The following ACAP1 variants were observed in gnomAD, a reference collection of about 807,000 sequenced individuals.
The protein encoded by ACAP1 is ArfGAP with coiled-coil, ankyrin repeat and PH domains 1.
A neutral mutation model predicts 98.8 loss-of-function variants in ACAP1; 45 were observed. The ratio of observed to expected loss-of-function variants is 0.46; its 90% CI spans 0.36 to 0.58. ACAP1 has a LOEUF of 0.58. ACAP1 is among the 20% of genes least tolerant of loss of function. The pLI is 0.00. For missense variants in ACAP1, 735 were observed against 971.4 expected (o/e 0.76, Z 3.24); for synonymous variants, 362 against 375.3 (o/e 0.96, Z 0.41).
Position 7,350,313 on chromosome 17 carries a change from C to A in ACAP1, c.2072+76C>A. 2 of 861,440 alleles carry A rather than the reference C, an allele frequency of 2.3e-6. No homozygotes were observed. Among genetic ancestry groups the A allele is most frequent in the Non-Finnish European group, 3.5e-6 (2 of 568,720 alleles). The allele number at this position is 861,440 out of a possible 1,614,324, so 53.4% of individuals were successfully genotyped here. A position where few individuals can be genotyped will look rare whatever the true frequency, so the allele number is the denominator to read the frequency against. Reference sequence around the variant, plus strand: ...GCCCACCCACGTTCGGGCGGGCGGGCGGGGCTGACGCCGAAACAGAAGCCT... The same window carrying A: ...GCCCACCCACGTTCGGGCGGGCGGGAGGGGCTGACGCCGAAACAGAAGCCT... On this transcript the variant is annotated intron_variant, in intron 20 of 21. Transcript: ENST00000158762. This position sits in a 1 kb window ranked among gnomAD's most constrained non-coding sequence, Gnocchi z 4.6.
chr17:7,346,699 A>C, intron 12 of ACAP1, 109 bp from the exon 13 acceptor site: 1 of 1,356,618 alleles, frequency 7.4e-7, no homozygotes, highest in South Asian at 1.4e-5. Context: ...GAAGTCTTTC[A>C]ATGCAACTGG....
chr17:7,347,038 G>T lies in ACAP1; in HGVS notation c.1139G>T (p.Gly380Val). The change falls in exon 14 of 22, where the codon GGA (glycine) becomes GTA (valine). Residue 380 changes from glycine to valine, a missense_variant. Gly to Val is a moderately radical substitution (Grantham distance 109, BLOSUM62 -3). Around this residue, in one of 5 missense-constraint regions of ACAP1, gnomAD observed 430 missense variants for 531.8 expected, o/e 0.81. Coordinates refer to ENST00000158762, the MANE Select transcript of ACAP1 (RefSeq NM_014716.4). ...DSPRGPGQGS[G>V]HLAIGSAATL... ...TTCCCCTCTCTCCCCCAGGGCTCAG[G>T]ACACCTGGCCATAGGCTCTGCTGCC... 6.3e-7 allele frequency: 1 copy of T among 1,589,404 alleles called. No individual in the cohort carries two copies. The highest frequency in any genetic ancestry group is 1.3e-5 in the African/African-American group (1 of 74,654).
At position 7,336,624 on chromosome 17, in the gene ACAP1, C is replaced by T. The variant is rs2073221675; in HGVS notation, c.-111C>T. On this transcript the variant is annotated 5_prime_UTR_variant, in exon 1 of 22. Transcript: ENST00000158762. ...CCCCCAGGCCCTTCCCCGCGGAGGT[C>T]CCTCTCCTCCTTCCCCCTCATCTCC... is the stretch of plus-strand genomic sequence containing the variant. 2.6e-6 allele frequency: 3 copies of T among 1,163,712 alleles called. No homozygotes were observed. Among genetic ancestry groups the T allele is most frequent in the East Asian group, 4.7e-5 (2 of 42,654 alleles). The allele number at this position is 1,163,712 out of a possible 1,614,324, so 72.1% of individuals were successfully genotyped here. A position where few individuals can be genotyped will look rare whatever the true frequency, so the allele number is the denominator to read the frequency against.
At chr17:7,337,237 C>G in intron 1 of ACAP1, 75 bp from the exon 2 acceptor site, 9 of 1,423,192 alleles carry the variant, frequency 6.3e-6, no homozygotes, top group Non-Finnish European at 8.9e-6. Flanking sequence ...CACCGCCCTG[C>G]GACTCCATCC....
In ACAP1 at chr17:7,347,040, C is replaced by T. The variant is rs2073353381; in HGVS notation, c.1141C>T (p.His381Tyr). 6.3e-7 allele frequency: 1 copy of T among 1,591,094 alleles called. No homozygotes were observed. Among genetic ancestry groups the T allele is most frequent in the Non-Finnish European group, 8.6e-7 (1 of 1,165,724 alleles). ...CCCCTCTCTCCCCCAGGGCTCAGGA[C>T]ACCTGGCCATAGGCTCTGCTGCCAC... is the stretch of plus-strand genomic sequence containing the variant. Reference protein sequence around the residue: ...SPRGPGQGSGHLAIGSAATLG... With the variant: ...SPRGPGQGSGYLAIGSAATLG... Residue 381 changes from histidine (H) to tyrosine (Y), a missense_variant, in exon 14 of 22, where the codon CAC (histidine) becomes TAC (tyrosine). His to Tyr is a moderately conservative substitution (Grantham distance 83). Coordinates refer to ENST00000158762, the MANE Select transcript of ACAP1 (RefSeq NM_014716.4).
Position 7,349,966 on chromosome 17 carries a change from T to C in ACAP1, c.1873T>C (p.Phe625Leu). 1 of 1,611,848 alleles carries C rather than the reference T, an allele frequency of 6.2e-7. No individual in the cohort carries two copies. The highest frequency in any genetic ancestry group is 8.5e-7 in the Non-Finnish European group (1 of 1,178,608). ...GCAGAATTCTCTTCTGGCCTGTGAGTTTCTCCTCCAGAACGGGGCGAACGT... is the reference window on the plus strand; with the variant it reads ...GCAGAATTCTCTTCTGGCCTGTGAGCTTCTCCTCCAGAACGGGGCGAACGT... ...TAANSLLACE[F>L]LLQNGANVNQ... The change falls in exon 19 of 22, where the codon TTT becomes CTT. Residue 625 changes from phenylalanine to leucine, a missense_variant. Coordinates refer to ENST00000158762, the MANE Select transcript of ACAP1 (RefSeq NM_014716.4).
In ACAP1 at chr17:7,350,611, C is replaced by G. The variant is rs2073396957; in HGVS notation, c.2073-339C>G. The G allele has an allele frequency of 1.5e-5, 4 of 264,276 alleles. No homozygotes were observed. The South Asian group carries it at 1.7e-4, about 12-fold the overall frequency. The allele number at this position is 264,276 out of a possible 1,614,324, so 16.4% of individuals were successfully genotyped here. The stretch of plus-strand genomic sequence containing the variant: ...AAGTTGTGGGGGAGGTGAGGATAGT[C>G]TTTTTTTTTTTTTTTGAGACGGAGT... On this transcript the variant is annotated intron_variant, in intron 20 of 21. Coordinates refer to ENST00000158762, the MANE Select transcript of ACAP1 (RefSeq NM_014716.4). The surrounding 1 kb of genome is among the most constrained non-coding windows in gnomAD (Gnocchi z 4.6).
chr17:7,350,482 C>A lies in ACAP1; in HGVS notation c.2072+245C>A. The A allele has an allele frequency of 1.8e-6, 1 of 562,754 alleles. No individual in the cohort carries two copies. Among genetic ancestry groups the A allele is most frequent in the Non-Finnish European group, 3.2e-6 (1 of 316,252 alleles). 34.9% of individuals were successfully genotyped at this position (562,754 alleles called of 1,614,324 possible). ...AGGATGCTTGGCCCACCCTGAGAGG[C>A]GTAATTCGCCCATCAACATTGCTGT... On this transcript the variant is annotated intron_variant, in intron 20 of 21. Coordinates refer to ENST00000158762, the MANE Select transcript of ACAP1 (RefSeq NM_014716.4). This position sits in a 1 kb window ranked among gnomAD's most constrained non-coding sequence, Gnocchi z 4.6.
In ACAP1 at chr17:7,344,102, A is replaced by AC. The variant is rs1222595808; in HGVS notation, c.724dup (p.His242ProfsTer40). 2 of 1,582,612 alleles carry AC rather than the reference A, an allele frequency of 1.3e-6. No individual in the cohort carries two copies. The highest frequency in any genetic ancestry group is 1.7e-6 in the Non-Finnish European group (2 of 1,163,854). On this transcript the variant is annotated frameshift_variant, in exon 9 of 22. Transcript: ENST00000158762. LOFTEE classifies it high-confidence loss of function. This position sits in a 1 kb window ranked among gnomAD's most constrained non-coding sequence, Gnocchi z 4.9. Reference sequence around the variant, plus strand: ...GAGAGAAGAGGGACATGGAGCAGAGACACGTGCTGCTGAAACAGAAGGTGA... The same window carrying AC: ...GAGAGAAGAGGGACATGGAGCAGAGACCACGTGCTGCTGAAACAGAAGGTGA...
In ACAP1 at chr17:7,344,707, A is replaced by G; in HGVS notation, c.854+59A>G. The G allele has an allele frequency of 7.9e-7, 1 of 1,270,662 alleles. No homozygotes were observed. The allele number at this position is 1,270,662 out of a possible 1,614,324, so 78.7% of individuals were successfully genotyped here. A position where few individuals can be genotyped will look rare whatever the true frequency, so the allele number is the denominator to read the frequency against. On this transcript the variant is annotated intron_variant, in intron 10 of 21. Transcript: ENST00000158762. This position sits in a 1 kb window ranked among gnomAD's most constrained non-coding sequence, Gnocchi z 4.9. ...ACCCAATGATGTATTTTCGAGTGGTAATAGCACACTAAGCACTGCAAGGAA... is the reference window on the plus strand; with the variant it reads ...ACCCAATGATGTATTTTCGAGTGGTGATAGCACACTAAGCACTGCAAGGAA...
chr17:7,342,830 C>T, intron 5 of ACAP1: 1 of 336,782 alleles, frequency 3.0e-6, no homozygotes, highest in South Asian at 2.6e-5. Flanking sequence ...ATCATTTGAA[C>T]CCAGGAGGTG....
intron 3 of ACAP1, 74 bp downstream of exon 3, chr17:7,342,141 G>A: frequency 6.2e-7 from 1 of 1,608,364 alleles, no homozygotes; most frequent in Non-Finnish European, 8.5e-7. Flanking sequence ...AGGAGGGCTG[G>A]CCTGGGGTCT....
chr17:7,341,506 G>A (rs1282347112), intron 2 of ACAP1, among the ~76,000 whole-genome samples: 1 of 152,094 alleles, frequency 6.6e-6, no homozygotes, highest in African/African-American at 2.4e-5. Context: ...CCTCCCAAAG[G>A]GTTGGGATTA....
At chr17:7,337,179 G>C in intron 1 of ACAP1, 133 bp from the exon 2 acceptor site, 1 of 814,484 alleles carries the variant, frequency 1.2e-6, no homozygotes, top group South Asian at 1.5e-5. Flanking sequence ...GCACAAGTAG[G>C]TGGGTGGGGG....
Position 7,344,166 on chromosome 17 carries a change from T to C in ACAP1, c.744+43T>C, listed in dbSNP as rs766303827. ...GTGGCCCACGACCGTCATCCCAACATGTTGGGAGGCTGAGGTGGGAAGATT... is the reference window on the plus strand; with the variant it reads ...GTGGCCCACGACCGTCATCCCAACACGTTGGGAGGCTGAGGTGGGAAGATT... On this transcript the variant is annotated intron_variant, in intron 9 of 21. Coordinates refer to ENST00000158762, the MANE Select transcript of ACAP1 (RefSeq NM_014716.4). This position sits in a 1 kb window ranked among gnomAD's most constrained non-coding sequence, Gnocchi z 4.9. 1 of 1,545,302 alleles carries C rather than the reference T, an allele frequency of 6.5e-7. No homozygotes were observed. The highest frequency in any genetic ancestry group is 8.8e-7 in the Non-Finnish European group (1 of 1,141,470).
chr17:7,342,924 A>G, intron 5 of ACAP1: 1 of 210,780 alleles, frequency 4.7e-6, no homozygotes, highest in South Asian at 6.8e-5. Flanking sequence ...AAAAAAAAAA[A>G]AAAAAAAATA....
chr17:7,349,256 C>T, intron 18 of ACAP1, 89 bp downstream of exon 18: 2 of 1,414,798 alleles, frequency 1.4e-6, no homozygotes, highest in East Asian at 4.8e-5. Context: ...CTTTCCCCAC[C>T]ACCTGTTCCC....
Position 7,336,641 on chromosome 17 carries a change from C to A in ACAP1, c.-94C>A, listed in dbSNP as rs2073221888. ...GCGGAGGTCCCTCTCCTCCTTCCCCCTCATCTCCCCTTCCTGGGACAGAAA... is the reference window on the plus strand; with the variant it reads ...GCGGAGGTCCCTCTCCTCCTTCCCCATCATCTCCCCTTCCTGGGACAGAAA... On this transcript the variant is annotated 5_prime_UTR_variant, in exon 1 of 22. Coordinates refer to ENST00000158762, the MANE Select transcript of ACAP1 (RefSeq NM_014716.4). 7.3e-7 allele frequency: 1 copy of A among 1,366,420 alleles called. No homozygotes were observed. Among genetic ancestry groups the A allele is most frequent in the Non-Finnish European group, 1.0e-6 (1 of 958,740 alleles). 84.6% of individuals were successfully genotyped at this position (1,366,420 alleles called of 1,614,324 possible). A position where few individuals can be genotyped will look rare whatever the true frequency, so the allele number is the denominator to read the frequency against.
Position 7,344,187 on chromosome 17 carries a change from A to G in ACAP1, c.744+64A>G. 6.7e-7 allele frequency: 1 copy of G among 1,498,018 alleles called. No homozygotes were observed. The highest frequency in any genetic ancestry group is 9.1e-7 in the Non-Finnish European group (1 of 1,099,958). The allele number at this position is 1,498,018 out of a possible 1,614,324, so 92.8% of individuals were successfully genotyped here. ...AACATGTTGGGAGGCTGAGGTGGGA[A>G]GATTGCTTGAGGCCTGGAGTTCAAG... On this transcript the variant is annotated intron_variant, in intron 9 of 21. Transcript: ENST00000158762. The surrounding 1 kb of genome is among the most constrained non-coding windows in gnomAD (Gnocchi z 4.9).
Sources: gnomAD v4.1 joint callset for allele counts (sites outside exome capture counted in the v4.1 genomes callset) on GRCh38, gnomAD v4.1.1 for gene constraint, gnomAD v4.1.1 regional missense constraint, Gnocchi (gnomAD v3.1) non-coding constraint, MANE v1.5 for transcripts, NCBI Gene and HGNC (gene_info 2026-07-23, HGNC 2026-07-21) for gene names.